The following DOCK9 variants were observed in gnomAD, a reference collection of about 807,000 sequenced individuals.
DOCK9 encodes dedicator of cytokinesis 9.
A neutral mutation model predicts 263.3 loss-of-function variants in DOCK9; 89 were observed. The ratio of observed to expected loss-of-function variants is 0.34; its 90% CI spans 0.28 to 0.40. The LOEUF is 0.40. DOCK9 is among the 10% of genes least tolerant of loss of function. The probability of loss-of-function intolerance (pLI) is 1.00; values close to 1 mark genes in which losing one functional copy is unlikely to be tolerated. For synonymous variants in DOCK9, 976 were observed against 973.1 expected, an observed-to-expected ratio of 1.00 and a Z score of -0.06; for missense variants, 2,140 against 2,603.4, an observed-to-expected ratio of 0.82 and a Z score of 3.87.
intron 45 of DOCK9, among the ~76,000 whole-genome samples, chr13:98,819,882 GA>G (rs574154675): frequency 1.3e-5 from 2 of 152,354 alleles, no homozygotes; most frequent in South Asian, 4.1e-4. Flanking sequence ...TTCCTGAATA[GA>G]AACAATTTTG....
In DOCK9 at chr13:99,061,234, G is replaced by C. The variant is rs548284470; in HGVS notation, c.129+24989C>G. Among the ~76,000 whole-genome samples the C allele has an allele frequency of 3.9e-5, 6 of 152,248 alleles. No individual in the cohort carries two copies. In the South Asian group the frequency reaches 8.3e-4, roughly 21 times the overall value. Reference sequence around the variant, plus strand: ...TTTGTCAATATGGCAAGACACTGAGGGGAACAGGAGGGTCAAAAAGACAAT... The same window carrying C: ...TTTGTCAATATGGCAAGACACTGAGCGGAACAGGAGGGTCAAAAAGACAAT... On this transcript the variant is annotated intron_variant, in intron 1 of 32. Coordinates refer to the DOCK9 transcript ENST00000427887.
intron 1 of DOCK9, among the ~76,000 whole-genome samples, chr13:99,073,401 T>TCTCTCTCTCTCTCA (rs2041776824): frequency 1.9e-5 from 2 of 106,678 alleles, no homozygotes; most frequent in African/African-American, 6.5e-5. Context: ...TCTCTCTCTC[T>TCTCTCTCTCTCTCA]TTCATGCTTC....
At chr13:99,056,311 CATTAA>C (rs10604468) in intron 1 of DOCK9, among the ~76,000 whole-genome samples, 42,313 of 151,868 alleles carry the variant, frequency 0.28, 6,246 homozygotes, top group East Asian at 0.43. Context: ...TGTTTGGGCA[CATTAA>C]ATGGTACTGA....
intron 1 of DOCK9, among the ~76,000 whole-genome samples, chr13:99,020,758 A>G (rs1885996406): frequency 6.6e-6 from 1 of 152,258 alleles, no homozygotes; most frequent in African/African-American, 2.4e-5. Context: ...TTTCAAACAG[A>G]TATAAGTCTT....
intron 1 of DOCK9, among the ~76,000 whole-genome samples, chr13:99,084,902 G>A (rs2042269922): frequency 6.6e-6 from 1 of 152,216 alleles, no homozygotes; most frequent in African/African-American, 2.4e-5. Flanking sequence ...TTATGGAAGA[G>A]ATGGCCAGGT....
chr13:98,951,627 G>A (rs2057420360), intron 2 of DOCK9, among the ~76,000 whole-genome samples: 1 of 152,190 alleles, frequency 6.6e-6, no homozygotes, highest in Non-Finnish European at 1.5e-5. Context: ...CAGTAGGAAA[G>A]GAATTGAGAC....
intron 1 of DOCK9, among the ~76,000 whole-genome samples, chr13:99,011,751 C>T (rs1884527649): frequency 6.6e-6 from 1 of 152,218 alleles, no homozygotes; most frequent in Non-Finnish European, 1.5e-5. Flanking sequence ...CCCAAAGTCA[C>T]ACAACTATTA....
chr13:98,912,361 C>T (rs1295172942), intron 9 of DOCK9, among the ~76,000 whole-genome samples: 2 of 152,244 alleles, frequency 1.3e-5, no homozygotes, highest in South Asian at 2.1e-4. Context: ...CAAATGCGAA[C>T]TCCAGTGAGC....
intron 1 of DOCK9, among the ~76,000 whole-genome samples, chr13:99,082,233 T>G (rs2042148330): frequency 6.8e-6 from 1 of 146,062 alleles, no homozygotes; most frequent in African/African-American, 2.6e-5. Context: ...GAATAATAAA[T>G]AAGGCCGGGC....
At chr13:98,868,086 T>G (rs2094087286) in intron 28 of DOCK9, 75 bp from the exon 29 acceptor site, 3 of 1,548,574 alleles carry the variant, frequency 1.9e-6, no homozygotes, top group Admixed American at 3.6e-5. Flanking sequence ...GCAGCATTTA[T>G]TGCTAATAAG....
chr13:98,970,406 G>C (rs865902547), intron 1 of DOCK9, among the ~76,000 whole-genome samples: 3 of 152,210 alleles, frequency 2.0e-5, no homozygotes, highest in African/African-American at 4.8e-5. Flanking sequence ...CTTCAGAGAT[G>C]GGGGATCTGG....
intron 29 of DOCK9, 30 bp downstream of exon 29, chr13:98,867,898 T>C (rs2094078824): frequency 1.2e-5 from 19 of 1,583,130 alleles, no homozygotes; most frequent in Non-Finnish European, 1.6e-5. Flanking sequence ...ACATGGTGAC[T>C]TCTGTTACCA....
Position 98,880,669 on chromosome 13 carries a change from C to A in DOCK9, c.2749G>T (p.Ala917Ser). 1 of 1,613,146 alleles carries A rather than the reference C, an allele frequency of 6.2e-7. No individual in the cohort carries two copies. Residue 917 changes from alanine (A) to serine (S), a missense_variant, in exon 26 of 53, where the codon GCG (alanine) becomes TCG (serine). Physicochemically the swap from Ala to Ser is moderately conservative, Grantham distance 99. This residue lies in a region of DOCK9 where 1,521 missense variants were observed against 1,741.7 expected (regional missense o/e 0.87). Transcript: ENST00000682017. ...ESHLRSYVKY[A>S]YKAEPYVASE... ...GCAACATATGGCTCAGCCTTATACG[C>A]GTACTTTGAAGAAAAGAGAAAGAGA...
At chr13:98,917,779 C>T (rs1344012398) in intron 7 of DOCK9, among the ~76,000 whole-genome samples, 1 of 151,780 alleles carries the variant, frequency 6.6e-6, no homozygotes, top group Non-Finnish European at 1.5e-5. Context: ...TTACCAATAA[C>T]TAAAGTTACC....
intron 1 of DOCK9, among the ~76,000 whole-genome samples, chr13:98,959,009 T>C (rs1312087558): frequency 2.0e-5 from 3 of 152,220 alleles, no homozygotes; most frequent in Non-Finnish European, 1.5e-5. Flanking sequence ...GTCTTCCTTT[T>C]GTGTGACAAA....
chr13:99,070,238 G>A (rs952351316), intron 1 of DOCK9, among the ~76,000 whole-genome samples: 8 of 152,108 alleles, frequency 5.3e-5, no homozygotes, highest in African/African-American at 7.2e-5. Flanking sequence ...CAAGCATACC[G>A]ATTTGAACAT....
At chr13:98,961,409 C>CT (rs1023396691) in intron 1 of DOCK9, among the ~76,000 whole-genome samples, 1 of 152,194 alleles carries the variant, frequency 6.6e-6, no homozygotes, top group Non-Finnish European at 1.5e-5. Flanking sequence ...ACCTCTACAC[C>CT]TGTCACAGTC....
At chr13:99,040,856 A>G (rs1017884367) in intron 1 of DOCK9, among the ~76,000 whole-genome samples, 6 of 152,238 alleles carry the variant, frequency 3.9e-5, no homozygotes, top group Admixed American at 3.3e-4. Context: ...TAAGTCAGCA[A>G]TGTAACAAAA....
At chr13:98,822,995 T>G (rs1469173353) in intron 45 of DOCK9, among the ~76,000 whole-genome samples, 1 of 152,082 alleles carries the variant, frequency 6.6e-6, no homozygotes, top group African/African-American at 2.4e-5. Flanking sequence ...TATGTGACTG[T>G]TCTCTCTCAA....
Sources: gnomAD v4.1 joint callset for allele counts (sites outside exome capture counted in the v4.1 genomes callset) on GRCh38, gnomAD v4.1.1 for gene constraint, gnomAD v4.1.1 regional missense constraint, MANE v1.5 for transcripts, NCBI Gene and HGNC (gene_info 2026-07-23, HGNC 2026-07-21) for gene names.